The following FOXK1 variants were observed in gnomAD, a reference collection of about 807,000 sequenced individuals.
The protein encoded by FOXK1 is forkhead box protein K1.
In FOXK1, 19 loss-of-function variants were observed where a neutral mutation model predicts 51.9. That is an observed-to-expected ratio of 0.37 (90% CI 0.26 to 0.54). FOXK1 has a LOEUF of 0.54. FOXK1 is among the 20% of genes least tolerant of loss of function. The pLI, the probability that FOXK1 is intolerant of heterozygous loss-of-function variation, is 0.87. For synonymous variants in FOXK1, 537 were observed against 482.6 expected, an observed-to-expected ratio of 1.11 and a Z score of -1.48; for missense variants, 870 against 1,032.7, an observed-to-expected ratio of 0.84 and a Z score of 2.16.
rs1041115651 is a variant in FOXK1, at chr7:4,707,721, G to A, written c.560+24853G>A. Among the ~76,000 whole-genome samples, 2 of 150,042 alleles carry A rather than the reference G, an allele frequency of 1.3e-5. No individual in the cohort carries two copies. The highest frequency in any genetic ancestry group is 1.5e-5 in the Non-Finnish European group (1 of 67,848). On this transcript the variant is annotated intron_variant, in intron 1 of 8. Transcript: ENST00000328914. This position sits in a 1 kb window ranked among gnomAD's most constrained non-coding sequence, Gnocchi z 4.1. Reference sequence around the variant, plus strand: ...TTTTTTTGAGACGGACTCTCTCTCCGTTGCCCAGGCTGGAGTGCAGTGGCA... The same window carrying A: ...TTTTTTTGAGACGGACTCTCTCTCCATTGCCCAGGCTGGAGTGCAGTGGCA...
At chr7:4,720,145 C>T (rs561749215) in intron 1 of FOXK1, among the ~76,000 whole-genome samples, 1 of 152,194 alleles carries the variant, frequency 6.6e-6, no homozygotes, top group East Asian at 1.9e-4. Context: ...TCCCTGGCTG[C>T]CTTGTTTCTG....
intron 1 of FOXK1, among the ~76,000 whole-genome samples, chr7:4,684,650 A>T (rs1779796467): frequency 6.6e-6 from 1 of 152,110 alleles, no homozygotes; most frequent in Non-Finnish European, 1.5e-5. Context: ...TAAGAAAATG[A>T]CAGGTAGGCT....
rs553408153 is a variant in FOXK1 at position 4,743,186 on chromosome 7, A to G, written c.746+2163A>G. ...ATGCAGTATTTTATGTAGTCCATAC[A>G]GCTTTGAGAATGTTCCAGAAGTAGA... On this transcript the variant is annotated intron_variant, in intron 2 of 8. Coordinates refer to ENST00000328914, the MANE Select transcript of FOXK1 (RefSeq NM_001037165.2). This position sits in a 1 kb window ranked among gnomAD's most constrained non-coding sequence, Gnocchi z 5.3. Among the ~76,000 whole-genome samples the G allele has an allele frequency of 1.3e-5, 2 of 152,366 alleles. No individual in the cohort carries two copies. Among genetic ancestry groups the G allele is most frequent in the South Asian group, 4.1e-4 (2 of 4,832 alleles).
At chr7:4,689,852 C>A (rs142223856) in intron 1 of FOXK1, among the ~76,000 whole-genome samples, 3 of 152,300 alleles carry the variant, frequency 2.0e-5, no homozygotes, top group Non-Finnish European at 4.4e-5. Flanking sequence ...TCACTGCCCT[C>A]ACCCAGTCCC....
rs938515961 is a variant in FOXK1 at position 4,749,193 on chromosome 7, G to C, written c.747-5266G>C. 2.0e-5 allele frequency among the ~76,000 whole-genome samples: 3 copies of C among 152,164 alleles called. No individual in the cohort carries two copies. The highest frequency in any genetic ancestry group is 7.2e-5 in the African/African-American group (3 of 41,426). On this transcript the variant is annotated intron_variant, in intron 2 of 8. Transcript: ENST00000328914. The surrounding 1 kb of genome is among the most constrained non-coding windows in gnomAD (Gnocchi z 6.0). ...CTTGCTCTGCAGGTGTGCTTTGCAT[G>C]CTGTTCTTACTGTCCTACAGAGACG...
In FOXK1 at chr7:4,733,135, C is replaced by A. The variant is rs927231666; in HGVS notation, c.561-7703C>A. Among the ~76,000 whole-genome samples the A allele has an allele frequency of 4.6e-5, 7 of 151,800 alleles. No individual in the cohort carries two copies. Among genetic ancestry groups the A allele is most frequent in the East Asian group, 1.9e-4 (1 of 5,184 alleles). On this transcript the variant is annotated intron_variant, in intron 1 of 8. Coordinates refer to ENST00000328914, the MANE Select transcript of FOXK1 (RefSeq NM_001037165.2). This position sits in a 1 kb window ranked among gnomAD's most constrained non-coding sequence, Gnocchi z 5.0. ...GTAGTTTTGATTTTGCAACAAAGGTCAAAAATAACGAGGGCCAAGTTTGTT... is the reference window on the plus strand; with the variant it reads ...GTAGTTTTGATTTTGCAACAAAGGTAAAAAATAACGAGGGCCAAGTTTGTT...
chr7:4,760,720 A>G (rs10258654), intron 7 of FOXK1, among the ~76,000 whole-genome samples: 37,918 of 151,776 alleles, frequency 0.25, 7,560 homozygotes, highest in African/African-American at 0.56. Context: ...GTGTGGTGGC[A>G]GGCGCCTGTA....
At position 4,765,487 on chromosome 7, in the gene FOXK1, T is replaced by G. The variant is rs924091656; in HGVS notation, c.*3023T>G. On this transcript the variant is annotated 3_prime_UTR_variant, in exon 9 of 9. Transcript: ENST00000328914. ...GGACCCAAGAACCTTCTCTAGGTTCTCAAGGGTGAGCTGACCCGGGCAATG... is the reference window on the plus strand; with the variant it reads ...GGACCCAAGAACCTTCTCTAGGTTCGCAAGGGTGAGCTGACCCGGGCAATG... 4 of 152,300 alleles carry G rather than the reference T, an allele frequency of 2.6e-5. No homozygotes were observed. The highest frequency in any genetic ancestry group is 9.6e-5 in the African/African-American group (4 of 41,464). 9.4% of individuals were successfully genotyped at this position (152,300 alleles called of 1,614,324 possible).
chr7:4,686,032 C>T (rs182083706), intron 1 of FOXK1, among the ~76,000 whole-genome samples: 3 of 152,000 alleles, frequency 2.0e-5, no homozygotes, highest in African/African-American at 7.2e-5. Flanking sequence ...AGGATTTCAG[C>T]GCAAGGAAGT....
At chr7:4,691,456 T>C (rs1779890286) in intron 1 of FOXK1, among the ~76,000 whole-genome samples, 1 of 152,144 alleles carries the variant, frequency 6.6e-6, no homozygotes, top group African/African-American at 2.4e-5. Flanking sequence ...TGCCCCAGCC[T>C]CCCGAGTAGC....
chr7:4,737,184 C>T (rs1780563648), intron 1 of FOXK1, among the ~76,000 whole-genome samples: 2 of 152,236 alleles, frequency 1.3e-5, no homozygotes, highest in Admixed American at 1.3e-4. Flanking sequence ...CATCTTCTTT[C>T]TACTTGGCCT....
intron 1 of FOXK1, among the ~76,000 whole-genome samples, chr7:4,693,736 T>C: frequency 6.6e-6 from 1 of 152,292 alleles, no homozygotes; most frequent in African/African-American, 2.4e-5. Context: ...ATTTGTCTTG[T>C]TTTTTTGTTT....
intron 1 of FOXK1, among the ~76,000 whole-genome samples, chr7:4,712,543 C>G (rs79186147): frequency 1.3e-5 from 2 of 152,056 alleles, no homozygotes; most frequent in Non-Finnish European, 2.9e-5. Flanking sequence ...CTGCCCCGCG[C>G]GCTTATTTGA....
At chr7:4,691,244 C>G (rs888139862) in intron 1 of FOXK1, among the ~76,000 whole-genome samples, 1 of 152,180 alleles carries the variant, frequency 6.6e-6, no homozygotes, top group African/African-American at 2.4e-5. Flanking sequence ...GCATGTTTTG[C>G]TTTACTTAAA....
At chr7:4,752,179 G>T (rs1328516656) in intron 2 of FOXK1, among the ~76,000 whole-genome samples, 2 of 152,112 alleles carry the variant, frequency 1.3e-5, no homozygotes, top group African/African-American at 4.8e-5. Flanking sequence ...TTAGAGACAG[G>T]GTCTTGCTCC....
Position 4,692,235 on chromosome 7 carries a change from C to T in FOXK1, c.560+9367C>T, listed in dbSNP as rs142868713. On this transcript the variant is annotated intron_variant, in intron 1 of 8. Transcript: ENST00000328914. ...GACAGCTGGAATCCATGGCTGCCTCCGCTTTTAGTCGGCTGTGATGCGTGT... is the reference window on the plus strand; with the variant it reads ...GACAGCTGGAATCCATGGCTGCCTCTGCTTTTAGTCGGCTGTGATGCGTGT... 5.1e-4 allele frequency among the ~76,000 whole-genome samples: 77 copies of T among 152,294 alleles called. 2 individuals are homozygous for T. Among genetic ancestry groups the T allele is most frequent in the African/African-American group, 1.8e-3 (75 of 41,574 alleles).
intron 5 of FOXK1, among the ~76,000 whole-genome samples, chr7:4,757,658 A>C (rs11975376): frequency 2.9e-5 from 4 of 136,368 alleles, no homozygotes; most frequent in African/African-American, 1.5e-4. Flanking sequence ...AAAAAAAAAA[A>C]AAAAAAGTAA....
At position 4,764,498 on chromosome 7, in the gene FOXK1, C is replaced by T. The variant is rs78882806; in HGVS notation, c.*2034C>T. 5,812 of 154,132 alleles carry T rather than the reference C, an allele frequency of 0.038. 365 individuals are homozygous for T. The highest frequency in any genetic ancestry group is 0.13 in the African/African-American group (5,409 of 41,574). 9.5% of individuals were successfully genotyped at this position (154,132 alleles called of 1,614,324 possible). A position where few individuals can be genotyped will look rare whatever the true frequency, so the allele number is the denominator to read the frequency against. ...GCGCCCCGTTCCACACTTGTGTCGCCTGCTGTTGTCTGTGGGCCTTTTCTT... is the reference window on the plus strand; with the variant it reads ...GCGCCCCGTTCCACACTTGTGTCGCTTGCTGTTGTCTGTGGGCCTTTTCTT... On this transcript the variant is annotated 3_prime_UTR_variant, in exon 9 of 9. Transcript: ENST00000328914.
At position 4,733,814 on chromosome 7, in the gene FOXK1, G is replaced by C. The variant is rs1207346384; in HGVS notation, c.561-7024G>C. 6.6e-6 allele frequency among the ~76,000 whole-genome samples: 1 copy of C among 152,226 alleles called. No individual in the cohort carries two copies. Among genetic ancestry groups the C allele is most frequent in the African/African-American group, 2.4e-5 (1 of 41,458 alleles). ...TGCTCTGAGGTCCCCGAAGCTGCAG[G>C]CTGGGTGGGACGGTGGGAGCCTTTC... On this transcript the variant is annotated intron_variant, in intron 1 of 8. Transcript: ENST00000328914. This position sits in a 1 kb window ranked among gnomAD's most constrained non-coding sequence, Gnocchi z 5.0.
Sources: allele counts gnomAD v4.1 joint callset (sites outside exome capture counted in the v4.1 genomes callset), GRCh38; gene constraint gnomAD v4.1.1; non-coding constraint Gnocchi (gnomAD v3.1); transcripts MANE v1.5; gene names NCBI Gene and HGNC (gene_info 2026-07-23, HGNC 2026-07-21).